MKLN1: variants seen among roughly 807,000 people sequenced by gnomAD.
The protein encoded by MKLN1 is muskelin.
MKLN1 carries 18 observed loss-of-function variants against 99.0 expected under a neutral mutation model. The observed-to-expected ratio is 0.18, with a 90% CI of 0.13 to 0.27. The LOEUF is 0.27. MKLN1 is among the 10% of genes least tolerant of loss of function. The pLI is 1.00. For missense variants in MKLN1, 621 were observed against 875.9 expected (o/e 0.71, Z 3.67); for synonymous variants, 288 against 293.2 (o/e 0.98, Z 0.18).
intron 3 of MKLN1, among the ~76,000 whole-genome samples, chr7:131,206,270 A>T (rs1796808927): frequency 6.6e-6 from 1 of 152,120 alleles, no homozygotes; most frequent in African/African-American, 2.4e-5. Context: ...ACTAATTTGG[A>T]ACTTAAATTA....
intron 6 of MKLN1, among the ~76,000 whole-genome samples, chr7:131,405,946 A>G (rs1794692879): frequency 6.6e-6 from 1 of 152,096 alleles, no homozygotes; most frequent in Non-Finnish European, 1.5e-5. Context: ...GTTGCTAATC[A>G]TATTGCACAA....
rs1319312868 is a variant in MKLN1 at position 131,496,063 on chromosome 7, T to A, written c.*8335T>A. Reference sequence around the variant, plus strand: ...TCTTTACCACGTTTAAGCAAATGTCTCTCAAAAAAAATTGTATTTCTGTGC... The same window carrying A: ...TCTTTACCACGTTTAAGCAAATGTCACTCAAAAAAAATTGTATTTCTGTGC... On this transcript the variant is annotated 3_prime_UTR_variant, in exon 18 of 18. Coordinates refer to ENST00000352689, the MANE Select transcript of MKLN1 (RefSeq NM_013255.5). 2.0e-5 allele frequency: 3 copies of A among 151,312 alleles called. No individual in the cohort carries two copies. Among genetic ancestry groups the A allele is most frequent in the Admixed American group, 2.0e-4 (3 of 15,272 alleles). The allele number at this position is 151,312 out of a possible 1,614,324, so 9.4% of individuals were successfully genotyped here. A position where few individuals can be genotyped will look rare whatever the true frequency, so the allele number is the denominator to read the frequency against.
upstream of MKLN1, among the ~76,000 whole-genome samples, chr7:131,325,702 C>CAAA (rs3837072): frequency 6.9e-6 from 1 of 144,762 alleles, no homozygotes; most frequent in African/African-American, 2.5e-5. Context: ...GATTCTGTCT[C>CAAA]AAAAAAAAAA....
chr7:131,463,403 A>G, intron 13 of MKLN1, 39 bp downstream of exon 13: 1 of 1,576,076 alleles, frequency 6.3e-7, no homozygotes. Context: ...CCAATGTAAT[A>G]ATTATTTGAG....
intron 5 of MKLN1, 53 bp from the exon 6 acceptor site, chr7:131,399,188 C>A: frequency 6.9e-7 from 1 of 1,449,658 alleles, no homozygotes; most frequent in Non-Finnish European, 9.7e-7. Context: ...TTGTTTCCTA[C>A]AGTATCATCT....
At chr7:131,300,793 T>C (rs1447666858) in intron 3 of MKLN1, among the ~76,000 whole-genome samples, 1 of 152,158 alleles carries the variant, frequency 6.6e-6, no homozygotes, top group Non-Finnish European at 1.5e-5. Context: ...GAAATACTGA[T>C]TAGCCACTGT....
chr7:131,411,956 A>G (rs1448132101), intron 7 of MKLN1, among the ~76,000 whole-genome samples: 1 of 145,282 alleles, frequency 6.9e-6, no homozygotes, highest in East Asian at 2.0e-4. Flanking sequence ...ACATGTTGGC[A>G]GGCATCTGTG....
At chr7:131,125,491 G>A (rs1021685343) in intron 1 of MKLN1, among the ~76,000 whole-genome samples, 4 of 152,078 alleles carry the variant, frequency 2.6e-5, no homozygotes, top group African/African-American at 9.7e-5. Flanking sequence ...CCAGGAACTA[G>A]GAAATAAAGG....
At chr7:131,336,225 T>C (rs1251606048) in intron 1 of MKLN1, among the ~76,000 whole-genome samples, 1 of 152,098 alleles carries the variant, frequency 6.6e-6, no homozygotes, top group Non-Finnish European at 1.5e-5. Flanking sequence ...GTAACACTTG[T>C]CTCTCGCCTC....
chr7:131,246,643 CTTT>C (rs11307215), intron 3 of MKLN1, among the ~76,000 whole-genome samples: 1 of 145,218 alleles, frequency 6.9e-6, no homozygotes, highest in East Asian at 2.0e-4. Context: ...TGATTTTAGT[CTTT>C]TTTTTTTTTT....
chr7:131,411,225 C>T (rs1794864244), intron 6 of MKLN1, 81 bp from the exon 7 acceptor site: 6 of 797,198 alleles, frequency 7.5e-6, no homozygotes, highest in African/African-American at 1.8e-5. Context: ...TTAATGTAGC[C>T]TTTTAAATTT....
intron 1 of MKLN1, among the ~76,000 whole-genome samples, chr7:131,126,463 A>G (rs1795459842): frequency 6.6e-6 from 1 of 152,154 alleles, no homozygotes; most frequent in Non-Finnish European, 1.5e-5. Context: ...TGTTTTTAAT[A>G]TTTCTAAAAT....
chr7:131,444,689 AC>A (rs1400939265), intron 11 of MKLN1, among the ~76,000 whole-genome samples: 2 of 150,616 alleles, frequency 1.3e-5, no homozygotes, highest in South Asian at 4.2e-4. Context: ...AGCTAAAACT[AC>A]AGGTGTGTAC....
intron 3 of MKLN1, among the ~76,000 whole-genome samples, chr7:131,276,931 C>T (rs1177056427): frequency 2.6e-5 from 4 of 152,138 alleles, no homozygotes; most frequent in Admixed American, 6.5e-5. Flanking sequence ...GGCTGCATGA[C>T]CTGCTTCCAC....
chr7:131,168,976 G>T (rs973630754), intron 2 of MKLN1, among the ~76,000 whole-genome samples: 1 of 150,258 alleles, frequency 6.7e-6, no homozygotes, highest in Non-Finnish European at 1.5e-5. Flanking sequence ...CAAGCAATTC[G>T]TGTGCCTTAA....
chr7:131,341,374 A>T (rs981932035), intron 1 of MKLN1, among the ~76,000 whole-genome samples: 1 of 152,174 alleles, frequency 6.6e-6, no homozygotes, highest in African/African-American at 2.4e-5. Flanking sequence ...CTGAGCAACC[A>T]CTAAACTACT....
rs181665296 is a variant in MKLN1 at position 131,390,669 on chromosome 7, C to G, written c.400+1697C>G. ...ATTAACATATCCCTCACCTCACATA[C>G]TTAACATTTTTTTATGGTGAGAACA... On this transcript the variant is annotated intron_variant, in intron 4 of 17. Coordinates refer to ENST00000352689, the MANE Select transcript of MKLN1 (RefSeq NM_013255.5). Among the ~76,000 whole-genome samples the G allele has an allele frequency of 9.2e-5, 14 of 152,180 alleles. No individual in the cohort carries two copies. In the East Asian group the frequency reaches 2.7e-3, roughly 29 times the overall value.
chr7:131,379,630 A>G (rs952622487), intron 2 of MKLN1, among the ~76,000 whole-genome samples: 2 of 152,216 alleles, frequency 1.3e-5, no homozygotes, highest in African/African-American at 2.4e-5. Flanking sequence ...GGGAATGAAT[A>G]AGACCTACTA....
At chr7:131,176,938 G>A (rs142705287) in intron 2 of MKLN1, among the ~76,000 whole-genome samples, 2 of 152,250 alleles carry the variant, frequency 1.3e-5, no homozygotes, top group African/African-American at 4.8e-5. Context: ...AGGTAAATGG[G>A]CCTCAGGCTG....
Sources: gnomAD v4.1 joint callset for allele counts (sites outside exome capture counted in the v4.1 genomes callset) on GRCh38, gnomAD v4.1.1 for gene constraint, MANE v1.5 for transcripts, NCBI Gene and HGNC (gene_info 2026-07-23, HGNC 2026-07-21) for gene names.